The following NRXN3 variants were observed in gnomAD, a reference collection of about 807,000 sequenced individuals.
The protein encoded by NRXN3 is neurexin III.
Under a neutral mutation model 137.6 loss-of-function variants are expected in NRXN3, and 32 were observed. The ratio of observed to expected loss-of-function variants is 0.23; its 90% CI spans 0.18 to 0.31. NRXN3 has a LOEUF of 0.31. Among genes scored for constraint, NRXN3 ranks in the 10% least tolerant of loss-of-function variants. NRXN3 has a pLI of 1.00. For missense variants in NRXN3, 1,574 were observed against 2,062.5 expected, an observed-to-expected ratio of 0.76 and a Z score of 4.59; for synonymous variants, 798 against 784.5, an observed-to-expected ratio of 1.02 and a Z score of -0.29.
At chr14:79,441,387 TTTTTTTTTTTG>T (rs2095946019) in intron 15 of NRXN3, among the ~76,000 whole-genome samples, 2 of 106,738 alleles carry the variant, frequency 1.9e-5, no homozygotes, top group African/African-American at 7.3e-5. Flanking sequence ...TTTTTTTTTT[TTTTTTTTTTTG>T]AGACGGAGTC....
intron 15 of NRXN3, among the ~76,000 whole-genome samples, chr14:79,351,104 C>G (rs2093185353): frequency 6.6e-6 from 1 of 152,196 alleles, no homozygotes; most frequent in African/African-American, 2.4e-5. Flanking sequence ...AACTAATGGT[C>G]TCTGCAGCCT....
intron 15 of NRXN3, among the ~76,000 whole-genome samples, chr14:79,361,674 G>A (rs1012113058): frequency 6.6e-6 from 1 of 152,104 alleles, no homozygotes. Flanking sequence ...CTGAAATCAC[G>A]CCACGGCACT....
intron 8 of NRXN3, among the ~76,000 whole-genome samples, chr14:78,727,487 A>C (rs2098491221): frequency 6.6e-6 from 1 of 152,150 alleles, no homozygotes; most frequent in African/African-American, 2.4e-5. Flanking sequence ...TCACGCCTGT[A>C]ATTCCAGCAC....
At chr14:78,728,531 C>A (rs375257402) in intron 8 of NRXN3, among the ~76,000 whole-genome samples, 2 of 152,066 alleles carry the variant, frequency 1.3e-5, no homozygotes, top group Non-Finnish European at 2.9e-5. Context: ...TTATTGAGTA[C>A]CTGCATGTGC....
chr14:78,780,094 A>T (rs2098763474), intron 8 of NRXN3, among the ~76,000 whole-genome samples: 1 of 152,210 alleles, frequency 6.6e-6, no homozygotes, highest in Non-Finnish European at 1.5e-5. Flanking sequence ...AGACAGTGGG[A>T]CATCGACACA....
chr14:78,481,766 A>G (rs964763853), intron 4 of NRXN3, among the ~76,000 whole-genome samples: 34 of 152,346 alleles, frequency 2.2e-4, no homozygotes, highest in African/African-American at 6.3e-4. Flanking sequence ...TGAGCTGAAC[A>G]TAACTACAAA....
intron 4 of NRXN3, among the ~76,000 whole-genome samples, chr14:78,384,406 C>G (rs1296514618): frequency 2.0e-5 from 3 of 152,106 alleles, no homozygotes; most frequent in Non-Finnish European, 4.4e-5. Flanking sequence ...CAGTCATCCA[C>G]TAAGCTCTGC....
chr14:79,527,908 G>C (rs963129992), intron 16 of NRXN3, among the ~76,000 whole-genome samples: 16 of 151,076 alleles, frequency 1.1e-4, no homozygotes, highest in African/African-American at 3.7e-4. Context: ...AAAAGTAATG[G>C]CAGTAGTAGC....
chr14:78,595,034 G>A (rs2097147720), intron 4 of NRXN3, among the ~76,000 whole-genome samples: 1 of 152,172 alleles, frequency 6.6e-6, no homozygotes, highest in Non-Finnish European at 1.5e-5. Context: ...AAAGTCCTTG[G>A]TCTCATGAAG....
chr14:79,043,538 C>A (rs1397147140), intron 15 of NRXN3, among the ~76,000 whole-genome samples: 1 of 152,150 alleles, frequency 6.6e-6, no homozygotes, highest in African/African-American at 2.4e-5. Context: ...TCCCCAAATT[C>A]TTTACTTCTG....
At position 79,631,248 on chromosome 14, in the gene NRXN3, T is replaced by C. The variant is rs2098341668; in HGVS notation, c.3445-32530T>C. Reference sequence around the variant, plus strand: ...GTCAATTGCCAACAGCAGTAAGTGCTAGAGAGGAAAGGACCAGAATAAGGG... The same window carrying C: ...GTCAATTGCCAACAGCAGTAAGTGCCAGAGAGGAAAGGACCAGAATAAGGG... On this transcript the variant is annotated intron_variant, in intron 16 of 20. Coordinates refer to ENST00000335750, the MANE Select transcript of NRXN3 (RefSeq NM_001330195.2). 2.0e-5 allele frequency among the ~76,000 whole-genome samples: 3 copies of C among 152,232 alleles called. No homozygotes were observed. In the South Asian group the frequency reaches 6.2e-4, roughly 31 times the overall value.
chr14:78,899,334 C>T (rs180840713), intron 10 of NRXN3, among the ~76,000 whole-genome samples: 18 of 152,018 alleles, frequency 1.2e-4, no homozygotes, highest in Admixed American at 1.1e-3. Flanking sequence ...CTGGTTTTCT[C>T]CAATCCTAAG....
At chr14:79,562,325 CT>C (rs1332762183) in intron 16 of NRXN3, among the ~76,000 whole-genome samples, 1 of 152,136 alleles carries the variant, frequency 6.6e-6, no homozygotes, top group Non-Finnish European at 1.5e-5. Context: ...TCATTTGTCT[CT>C]TAAATGCATG....
intron 10 of NRXN3, among the ~76,000 whole-genome samples, chr14:78,945,766 C>A (rs556293109): frequency 2.0e-5 from 3 of 152,198 alleles, no homozygotes; most frequent in African/African-American, 7.2e-5. Flanking sequence ...TATTTCCCAC[C>A]GGCATTAATA....
chr14:79,531,415 A>G (rs1221398731), intron 16 of NRXN3, among the ~76,000 whole-genome samples: 1 of 152,190 alleles, frequency 6.6e-6, no homozygotes, highest in Non-Finnish European at 1.5e-5. Context: ...TGAGATATAT[A>G]CCTGTTAATA....
chr14:78,631,866 CAGGATCAGG>C (rs529717420), intron 4 of NRXN3, among the ~76,000 whole-genome samples: 7 of 151,908 alleles, frequency 4.6e-5, no homozygotes, highest in South Asian at 2.1e-4. Context: ...GCTGAGGCGG[CAGGATCAGG>C]AGGATCAGGA....
chr14:79,327,353 A>G lies in NRXN3; in HGVS notation c.3263-139868A>G, dbSNP rs113247365. Among the ~76,000 whole-genome samples, 946 of 152,200 alleles carry G rather than the reference A, an allele frequency of 6.2e-3. 5 individuals are homozygous for G. The highest frequency in any genetic ancestry group is 9.5e-3 in the Non-Finnish European group (647 of 68,008). On this transcript the variant is annotated intron_variant, in intron 15 of 20. Coordinates refer to ENST00000335750, the MANE Select transcript of NRXN3 (RefSeq NM_001330195.2). Reference sequence around the variant, plus strand: ...CTTGATTCAAGGGTCAAAAATGGAGAGATGAGAGTTCAATCTTCTTGGAAC... The same window carrying G: ...CTTGATTCAAGGGTCAAAAATGGAGGGATGAGAGTTCAATCTTCTTGGAAC...
At chr14:79,632,828 C>T (rs1012529701) in intron 16 of NRXN3, among the ~76,000 whole-genome samples, 5 of 152,206 alleles carry the variant, frequency 3.3e-5, no homozygotes, top group East Asian at 1.9e-4. Context: ...GTAAGTTGCA[C>T]GACCTGGATC....
At chr14:79,217,989 T>C (rs2068839122) in intron 15 of NRXN3, among the ~76,000 whole-genome samples, 1 of 152,206 alleles carries the variant, frequency 6.6e-6, no homozygotes, top group African/African-American at 2.4e-5. Flanking sequence ...GAGGACACTG[T>C]TGGATTCATA....
Sources: allele counts gnomAD v4.1 joint callset (sites outside exome capture counted in the v4.1 genomes callset), GRCh38; gene constraint gnomAD v4.1.1; transcripts MANE v1.5; gene names NCBI Gene and HGNC (gene_info 2026-07-23, HGNC 2026-07-21).